CAMTA1: variants seen among roughly 807,000 people sequenced by gnomAD.
The protein encoded by CAMTA1 is calmodulin binding transcription activator 1, also known as calmodulin-binding transcription activator 1.
In CAMTA1, 27 loss-of-function variants were observed where a neutral mutation model predicts 170.9. That is an observed-to-expected ratio of 0.16 (90% CI 0.12 to 0.22). CAMTA1 has a LOEUF of 0.22. CAMTA1 is among the 10% of genes least tolerant of loss of function. The pLI is 1.00. For missense variants in CAMTA1, 1,619 were observed against 2,217.2 expected, an observed-to-expected ratio of 0.73 and a Z score of 5.42; for synonymous variants, 833 against 891.5, an observed-to-expected ratio of 0.93 and a Z score of 1.17.
intron 4 of CAMTA1, among the ~76,000 whole-genome samples, chr1:7,190,128 G>A (rs1441688510): frequency 2.0e-5 from 3 of 152,080 alleles, no homozygotes; most frequent in Non-Finnish European, 4.4e-5. Context: ...TTGCGGACTC[G>A]GGGGAAAGGG....
intron 1 of CAMTA1, among the ~76,000 whole-genome samples, chr1:6,798,154 C>G (rs1037385811): frequency 6.6e-6 from 1 of 151,856 alleles, no homozygotes; most frequent in African/African-American, 2.4e-5. Flanking sequence ...GAACACCACG[C>G]TGGGCTAATT....
At chr1:7,503,506 G>T (rs993194729) in intron 6 of CAMTA1, among the ~76,000 whole-genome samples, 1 of 152,216 alleles carries the variant, frequency 6.6e-6, no homozygotes, top group Non-Finnish European at 1.5e-5. Context: ...CGAAGGGGAG[G>T]GAATGGTCGC....
intron 6 of CAMTA1, among the ~76,000 whole-genome samples, chr1:7,502,928 A>G (rs1436341476): frequency 1.5e-5 from 2 of 136,034 alleles, no homozygotes; most frequent in Non-Finnish European, 3.2e-5. Flanking sequence ...CCCGCACCCC[A>G]TGGCTCACCC....
At chr1:7,302,892 A>G (rs1674995773) in intron 5 of CAMTA1, among the ~76,000 whole-genome samples, 2 of 152,206 alleles carry the variant, frequency 1.3e-5, no homozygotes, top group Admixed American at 1.3e-4. Flanking sequence ...CCAAATCGTC[A>G]TTTTGGGGAG....
At chr1:7,587,218 T>C (rs2095318037) in intron 6 of CAMTA1, among the ~76,000 whole-genome samples, 1 of 152,038 alleles carries the variant, frequency 6.6e-6, no homozygotes. Flanking sequence ...ATTCATAGCC[T>C]ATTGGAGTTG....
At chr1:7,172,610 T>C (rs749459658) in intron 4 of CAMTA1, among the ~76,000 whole-genome samples, 8 of 152,154 alleles carry the variant, frequency 5.3e-5, no homozygotes, top group Admixed American at 3.3e-4. Flanking sequence ...TGCACACACA[T>C]CTGATGAGGG....
intron 6 of CAMTA1, among the ~76,000 whole-genome samples, chr1:7,550,456 C>T (rs541078849): frequency 4.0e-5 from 6 of 150,266 alleles, no homozygotes; most frequent in Admixed American, 1.3e-4. Context: ...GGCTTTCTCC[C>T]ACCTGGACCT....
chr1:7,721,437 C>T (rs1000936743), intron 11 of CAMTA1, among the ~76,000 whole-genome samples: 2 of 152,264 alleles, frequency 1.3e-5, no homozygotes, highest in Admixed American at 1.3e-4. Context: ...CTGTAGATGT[C>T]CAGTAGCTGC....
intron 4 of CAMTA1, among the ~76,000 whole-genome samples, chr1:7,138,371 C>A (rs1573374421): frequency 6.6e-6 from 1 of 152,150 alleles, no homozygotes; most frequent in East Asian, 1.9e-4. Flanking sequence ...GTAGCATTGG[C>A]ATTTAAATGC....
intron 5 of CAMTA1, among the ~76,000 whole-genome samples, chr1:7,359,098 G>C (rs1044323074): frequency 4.6e-5 from 7 of 152,204 alleles, no homozygotes; most frequent in African/African-American, 1.7e-4. Context: ...CATAAGAGGG[G>C]CTCTAGGTGG....
In CAMTA1 at chr1:7,534,178, G is replaced by T. The variant is rs1018899166; in HGVS notation, c.510+66277G>T. 6.6e-6 allele frequency among the ~76,000 whole-genome samples: 1 copy of T among 152,192 alleles called. No homozygotes were observed. Among genetic ancestry groups the T allele is most frequent in the Non-Finnish European group, 1.5e-5 (1 of 68,040 alleles). On this transcript the variant is annotated intron_variant, in intron 6 of 22. Transcript: ENST00000303635. The surrounding 1 kb of genome is among the most constrained non-coding windows in gnomAD (Gnocchi z 5.6). ...TACAAAGCCATACATCTTGGTGTGT[G>T]ACAAATCACTTTTTAATTGCCTGAA...
chr1:7,204,834 T>C (rs1163929416), intron 4 of CAMTA1, among the ~76,000 whole-genome samples: 1 of 137,988 alleles, frequency 7.2e-6, no homozygotes, highest in African/African-American at 2.7e-5. Flanking sequence ...TTTTTTCTTT[T>C]TTTTTTTTTT....
chr1:7,126,090 C>A (rs962381043), intron 4 of CAMTA1, among the ~76,000 whole-genome samples: 3 of 152,146 alleles, frequency 2.0e-5, no homozygotes, highest in African/African-American at 7.2e-5. Flanking sequence ...ACGTATAAAA[C>A]CATCAGATTC....
intron 21 of CAMTA1, among the ~76,000 whole-genome samples, chr1:7,752,863 G>A (rs771695481): frequency 6.6e-6 from 1 of 152,292 alleles, no homozygotes; most frequent in Non-Finnish European, 1.5e-5. Context: ...CCACATTGCA[G>A]TATGTTCTTT....
intron 6 of CAMTA1, among the ~76,000 whole-genome samples, chr1:7,506,515 C>CAA (rs1407599160): frequency 9.2e-5 from 14 of 152,064 alleles, no homozygotes; most frequent in Middle Eastern, 3.4e-3. Flanking sequence ...TCAAAATTCA[C>CAA]ACTAACATCT....
intron 19 of CAMTA1, 49 bp downstream of exon 19, chr1:7,747,830 C>A: frequency 7.4e-7 from 1 of 1,348,778 alleles, no homozygotes; most frequent in Non-Finnish European, 1.1e-6. Context: ...CCACCCAAGG[C>A]CACTGAAGAT....
Position 6,887,762 on chromosome 1 carries a change from A to G in CAMTA1, c.234+62552A>G, listed in dbSNP as rs1303186071. On this transcript the variant is annotated intron_variant, in intron 3 of 22. Transcript: ENST00000303635. This position sits in a 1 kb window ranked among gnomAD's most constrained non-coding sequence, Gnocchi z 4.1. ...GAAAGCTGGCAGAATTCGTAGGGAG[A>G]GCTTTCCCATCCTGCCAGCCCCATG... 2.6e-6 allele frequency: 4 copies of G among 1,534,382 alleles called. No homozygotes were observed. The African/African-American group carries it at 5.5e-5, about 21-fold the overall frequency.
At chr1:7,382,145 A>G (rs1456008316) in intron 5 of CAMTA1, among the ~76,000 whole-genome samples, 1 of 152,236 alleles carries the variant, frequency 6.6e-6, no homozygotes, top group Non-Finnish European at 1.5e-5. Flanking sequence ...ATGCAATTGC[A>G]GTCACATCTA....
At chr1:7,695,344 A>G (rs957356932) in intron 11 of CAMTA1, among the ~76,000 whole-genome samples, 1 of 152,232 alleles carries the variant, frequency 6.6e-6, no homozygotes, top group Non-Finnish European at 1.5e-5. Flanking sequence ...TGAAGCTCCA[A>G]GGCCCCCAAT....
Sources: gnomAD v4.1 joint callset for allele counts (sites outside exome capture counted in the v4.1 genomes callset) on GRCh38, gnomAD v4.1.1 for gene constraint, Gnocchi (gnomAD v3.1) non-coding constraint, MANE v1.5 for transcripts, NCBI Gene and HGNC (gene_info 2026-07-23, HGNC 2026-07-21) for gene names.